The following CARMIL1 variants were observed in gnomAD, a reference collection of about 807,000 sequenced individuals.
CARMIL1 encodes the protein capping protein regulator and myosin 1 linker 1.
A neutral mutation model predicts 177.1 loss-of-function variants in CARMIL1; 90 were observed. That is an observed-to-expected ratio of 0.51 (90% CI 0.43 to 0.61). The LOEUF is 0.61. CARMIL1 is among the 20% of genes least tolerant of loss of function. The pLI, the probability that CARMIL1 is intolerant of heterozygous loss-of-function variation, is 0.00. For synonymous variants in CARMIL1, 577 were observed against 606.2 expected (o/e 0.95, Z 0.71); for missense variants, 1,380 against 1,667.0 (o/e 0.83, Z 3.00).
At chr6:25,468,801 A>G (rs1183064872) in intron 9 of CARMIL1, among the ~76,000 whole-genome samples, 7 of 152,222 alleles carry the variant, frequency 4.6e-5, no homozygotes, top group East Asian at 1.9e-4. Flanking sequence ...AGACACTTTC[A>G]TACATTTTCC....
intron 31 of CARMIL1, among the ~76,000 whole-genome samples, chr6:25,582,270 C>A (rs1414705961): frequency 6.6e-6 from 1 of 152,134 alleles, no homozygotes; most frequent in Non-Finnish European, 1.5e-5. Flanking sequence ...CTGTCATTCC[C>A]GACAGGAGAT....
chr6:25,591,230 T>G (rs952077226), intron 31 of CARMIL1, among the ~76,000 whole-genome samples: 2 of 152,232 alleles, frequency 1.3e-5, no homozygotes, highest in African/African-American at 4.8e-5. Flanking sequence ...GTGTATTCAC[T>G]GTAATAATCC....
chr6:25,348,771 A>T (rs1303745669), intron 2 of CARMIL1, among the ~76,000 whole-genome samples: 1 of 152,082 alleles, frequency 6.6e-6, no homozygotes, highest in African/African-American at 2.4e-5. Context: ...ACAGAGCTAG[A>T]CTCTGTCTTA....
At chr6:25,491,886 A>AACC in intron 14 of CARMIL1, 62 bp from the exon 15 acceptor site, 1 of 1,559,576 alleles carries the variant, frequency 6.4e-7, no homozygotes, top group East Asian at 2.2e-5. Flanking sequence ...GGGGACCTCT[A>AACC]ATAAAAGATT....
intron 5 of CARMIL1, among the ~76,000 whole-genome samples, chr6:25,443,072 G>A (rs1415113277): frequency 1.3e-5 from 2 of 152,124 alleles, no homozygotes; most frequent in African/African-American, 4.8e-5. Flanking sequence ...AAAGAGCATG[G>A]CCTGCAGTTT....
chr6:25,510,500 T>C lies in CARMIL1; in HGVS notation c.1478-7T>C, dbSNP rs1293934172. On this transcript the variant is annotated splice_polypyrimidine_tract_variant and splice_region_variant and intron_variant, in intron 18 of 36. Coordinates refer to ENST00000329474, the MANE Select transcript of CARMIL1 (RefSeq NM_017640.6). ...TTTGATGTTCTACTTACTCTGATTC[T>C]TTCCAGGTTTAGAATCTGACCTATC... is the stretch of plus-strand genomic sequence containing the variant. 6.7e-7 allele frequency: 1 copy of C among 1,492,656 alleles called. No individual in the cohort carries two copies. Among genetic ancestry groups the C allele is most frequent in the Non-Finnish European group, 9.1e-7 (1 of 1,098,994 alleles). 92.5% of individuals were successfully genotyped at this position (1,492,656 alleles called of 1,614,324 possible). A position where few individuals can be genotyped will look rare whatever the true frequency, so the allele number is the denominator to read the frequency against.
intron 29 of CARMIL1, among the ~76,000 whole-genome samples, chr6:25,579,525 GC>G (rs1275324503): frequency 6.6e-6 from 1 of 152,190 alleles, no homozygotes; most frequent in Non-Finnish European, 1.5e-5. Context: ...AACTTCTTCA[GC>G]CAACTGCATG....
intron 2 of CARMIL1, among the ~76,000 whole-genome samples, chr6:25,338,598 A>T (rs1983582): frequency 0.15 from 22,854 of 150,080 alleles, 1,872 homozygotes; most frequent in Admixed American, 0.16. Flanking sequence ...AGGAGAATTT[A>T]CACTTTTGGT....
chr6:25,575,331 G>A (rs971184552), intron 29 of CARMIL1, among the ~76,000 whole-genome samples: 1 of 152,148 alleles, frequency 6.6e-6, no homozygotes, highest in Non-Finnish European at 1.5e-5. Flanking sequence ...CCTTCTTCGT[G>A]GGAACATTTT....
chr6:25,427,008 A>G (rs138773985), intron 4 of CARMIL1, among the ~76,000 whole-genome samples: 1 of 152,176 alleles, frequency 6.6e-6, no homozygotes, highest in Non-Finnish European at 1.5e-5. Context: ...AAGTGTTGAC[A>G]TATGTATGAC....
intron 2 of CARMIL1, 69 bp downstream of exon 2, chr6:25,284,978 T>A: frequency 2.1e-6 from 2 of 935,826 alleles, no homozygotes; most frequent in Non-Finnish European, 3.3e-6. Flanking sequence ...TTAGATTGCT[T>A]AATTTTCATG....
chr6:25,583,727 T>A (rs1215415087), intron 31 of CARMIL1, among the ~76,000 whole-genome samples: 7 of 152,194 alleles, frequency 4.6e-5, no homozygotes, highest in Non-Finnish European at 8.8e-5. Flanking sequence ...GATTTTTAGA[T>A]TTTTTAGTCC....
chr6:25,516,849 G>A (rs1371157319), intron 21 of CARMIL1, among the ~76,000 whole-genome samples: 1 of 152,182 alleles, frequency 6.6e-6, no homozygotes, highest in African/African-American at 2.4e-5. Context: ...CCATGTCAGG[G>A]AAATAATGAA....
intron 4 of CARMIL1, among the ~76,000 whole-genome samples, chr6:25,429,276 G>A (rs1796532553): frequency 6.6e-6 from 1 of 152,204 alleles, no homozygotes; most frequent in South Asian, 2.1e-4. Context: ...TACTGTGTGT[G>A]CAAGCATCCA....
At chr6:25,540,265 AT>A (rs558132676) in intron 26 of CARMIL1, among the ~76,000 whole-genome samples, 187 bp downstream of exon 26, 284 of 152,356 alleles carry the variant, frequency 1.9e-3, no homozygotes, top group African/African-American at 6.4e-3. Flanking sequence ...TTACATAATC[AT>A]TTTTGGGTAA....
At chr6:25,477,850 C>T (rs1801713780) in intron 11 of CARMIL1, among the ~76,000 whole-genome samples, 1 of 124,996 alleles carries the variant, frequency 8.0e-6, no homozygotes, top group Non-Finnish European at 1.6e-5. Context: ...TTCTTCTCAT[C>T]ACTTTTTTTT....
In CARMIL1 at chr6:25,340,372, A is replaced by G. The variant is rs143361148; in HGVS notation, c.138+55463A>G. 8.4e-3 allele frequency among the ~76,000 whole-genome samples: 1,284 copies of G among 152,320 alleles called. 6 individuals carry two copies. The highest frequency in any genetic ancestry group is 0.013 in the South Asian group (61 of 4,832). ...TTTTTGAACCAGTGTTTTTGTCACA[A>G]CGTTTTGAGTGTAGAATATTCCTTA... On this transcript the variant is annotated intron_variant, in intron 2 of 36. Transcript: ENST00000329474.
intron 26 of CARMIL1, among the ~76,000 whole-genome samples, chr6:25,542,560 T>A (rs1350248025): frequency 6.6e-6 from 1 of 152,130 alleles, no homozygotes; most frequent in Non-Finnish European, 1.5e-5. Flanking sequence ...TTCCCCACCT[T>A]TTCCTGTTCC....
chr6:25,496,336 G>A (rs1243932171), intron 16 of CARMIL1, among the ~76,000 whole-genome samples: 1 of 152,006 alleles, frequency 6.6e-6, no homozygotes, highest in East Asian at 1.9e-4. Context: ...AAATTAACCA[G>A]GCATGGTGGT....
Sources: allele counts gnomAD v4.1 joint callset (sites outside exome capture counted in the v4.1 genomes callset), GRCh38; gene constraint gnomAD v4.1.1; transcripts MANE v1.5; gene names NCBI Gene and HGNC (gene_info 2026-07-23, HGNC 2026-07-21).